The following DCLRE1A variants were observed in gnomAD, a reference collection of about 807,000 sequenced individuals.
DCLRE1A encodes the protein DNA cross-link repair 1A protein.
DCLRE1A carries 64 observed loss-of-function variants against 91.9 expected under a neutral mutation model. That is an observed-to-expected ratio of 0.70 (90% CI 0.57 to 0.86). DCLRE1A has a LOEUF of 0.86. Among genes scored for constraint, DCLRE1A ranks in the 40% least tolerant of loss-of-function variants. DCLRE1A has a pLI of 0.00. For missense variants in DCLRE1A, 1,145 were observed against 1,213.3 expected, an observed-to-expected ratio of 0.94 and a Z score of 0.84; for synonymous variants, 416 against 431.1, an observed-to-expected ratio of 0.96 and a Z score of 0.43.
chr10:113,852,209 G>A lies in DCLRE1A; in HGVS notation c.460+514C>T, dbSNP rs1363410894. 2.6e-5 allele frequency among the ~76,000 whole-genome samples: 4 copies of A among 152,128 alleles called. No individual in the cohort carries two copies. The East Asian group carries it at 5.8e-4, about 22-fold the overall frequency. ...AAATTAGCCGGGTGCGGTGGCGGGC[G>A]CCTGTAGTCCCGGCTACTCGGGAAG... On this transcript the variant is annotated intron_variant, in intron 1 of 8. Transcript: ENST00000361384.
At position 113,837,166 on chromosome 10, in the gene DCLRE1A, T is replaced by C. The variant is rs1460411527; in HGVS notation, c.2858A>G (p.Tyr953Cys). The change falls in exon 8 of 9, where the codon TAC (tyrosine) becomes TGC (cysteine). Residue 953 changes from tyrosine (Y) to cysteine (C), a missense_variant. Physicochemically the swap from Tyr to Cys is radical, Grantham distance 194 (BLOSUM62 -2). Coordinates refer to ENST00000361384, the MANE Select transcript of DCLRE1A (RefSeq NM_014881.5). Reference protein sequence around the residue: ...QSHLKKCGGKYNQILAFRPTG... With the variant: ...QSHLKKCGGKCNQILAFRPTG... ...AGGTCGAAATGCCAAAATCTGATTGTATTTCCCACCACACTTCTTCAAATG... is the reference window on the plus strand; with the variant it reads ...AGGTCGAAATGCCAAAATCTGATTGCATTTCCCACCACACTTCTTCAAATG... 6.2e-7 allele frequency: 1 copy of C among 1,613,142 alleles called. No homozygotes were observed. The highest frequency in any genetic ancestry group is 8.5e-7 in the Non-Finnish European group (1 of 1,179,706).
intron 7 of DCLRE1A, among the ~76,000 whole-genome samples, chr10:113,840,294 CAAAA>C (rs10716416): frequency 8.2e-6 from 1 of 122,018 alleles, no homozygotes; most frequent in Non-Finnish European, 1.8e-5. Flanking sequence ...ACTCTGTCTC[CAAAA>C]AAAAAAAAAA....
At position 113,835,058 on chromosome 10, in the gene DCLRE1A, T is replaced by C; in HGVS notation, c.*94A>G. ...TATCTGAACAATCTTCATGAGGTTT[T>C]TCCACACAAAGTGTATTTCACATTT... On this transcript the variant is annotated 3_prime_UTR_variant, in exon 9 of 9. Transcript: ENST00000361384. 1.7e-5 allele frequency: 21 copies of C among 1,269,934 alleles called. No homozygotes were observed. Among genetic ancestry groups the C allele is most frequent in the Non-Finnish European group, 2.3e-5 (21 of 916,748 alleles). 78.7% of individuals were successfully genotyped at this position (1,269,934 alleles called of 1,614,324 possible).
chr10:113,852,424 T>C (rs1845667159), intron 1 of DCLRE1A, among the ~76,000 whole-genome samples: 1 of 152,232 alleles, frequency 6.6e-6, no homozygotes, highest in African/African-American at 2.4e-5. Flanking sequence ...TATATGGTGA[T>C]TGTGAAAGTT....
chr10:113,853,233 G>C lies in DCLRE1A; in HGVS notation c.-51C>G, dbSNP rs910698301. The C allele has an allele frequency of 2.8e-6, 4 of 1,426,248 alleles. No homozygotes were observed. The African/African-American group carries it at 4.3e-5, about 15-fold the overall frequency. The allele number at this position is 1,426,248 out of a possible 1,614,324, so 88.3% of individuals were successfully genotyped here. On this transcript the variant is annotated 5_prime_UTR_variant, in exon 1 of 9. Transcript: ENST00000361384. ...AGTATTAATCTTAAGTAAACTGAAAGTCCATTTCTTGTCACAAACAAAAAG... is the reference window on the plus strand; with the variant it reads ...AGTATTAATCTTAAGTAAACTGAAACTCCATTTCTTGTCACAAACAAAAAG...
Position 113,850,644 on chromosome 10 carries a change from T to C in DCLRE1A, c.461A>G (p.Glu154Gly). 1 of 1,569,830 alleles carries C rather than the reference T, an allele frequency of 6.4e-7. No individual in the cohort carries two copies. ...CLDSPPRSET[E>G]CPDGLLCTST... ...GGTACACAGAAGACCATCAGGACAC[T>C]CTGAAATTTTAATAAAGAAAAAATA... The change falls in exon 2 of 9, where the codon GAG becomes GGG. Residue 154 changes from glutamate (E) to glycine (G), a missense_variant and splice_region_variant. Glu to Gly is a moderately conservative substitution (Grantham distance 98). Transcript: ENST00000361384.
chr10:113,847,269 G>A lies in DCLRE1A; in HGVS notation c.2192C>T (p.Thr731Ile), dbSNP rs1433870977. The A allele has an allele frequency of 6.2e-7, 1 of 1,614,012 alleles. No homozygotes were observed. The highest frequency in any genetic ancestry group is 2.2e-5 in the East Asian group (1 of 44,858). ...VVEGCTAYFLTHFHSDHYAGL... is the reference protein window; with the variant it reads ...VVEGCTAYFLIHFHSDHYAGL... ...AGCATAATGATCAGAATGAAAATGT[G>A]TGAGAAAATAGGCTGTGCAACCTTC... Residue 731 changes from threonine (T) to isoleucine (I), a missense_variant, in exon 3 of 9, where the codon ACA (threonine) becomes ATA (isoleucine). Physicochemically the swap from Thr to Ile is moderately conservative, Grantham distance 89 (BLOSUM62 -1). Transcript: ENST00000361384.
rs532530868 is a variant in DCLRE1A, at chr10:113,850,893, T to C, written c.461-249A>G. 5.9e-5 allele frequency among the ~76,000 whole-genome samples: 9 copies of C among 152,344 alleles called. No individual in the cohort carries two copies. The South Asian group carries it at 1.9e-3, about 32-fold the overall frequency. ...ATTTGGAAACTATTCCCTATCATAC[T>C]ACCATGATTGAGAAACTTTCTATAA... On this transcript the variant is annotated intron_variant, in intron 1 of 8. Transcript: ENST00000361384.
In DCLRE1A at chr10:113,850,102, C is replaced by T. The variant is rs921112484; in HGVS notation, c.1003G>A (p.Glu335Lys). ...FTESSKDGSL[E>K]EDDDSCGFFK... Reference sequence around the variant, plus strand: ...AAACCACAGCTGTCATCATCTTCTTCGAGGCTGCCATCTTTTGAGCTTTCG... The same window carrying T: ...AAACCACAGCTGTCATCATCTTCTTTGAGGCTGCCATCTTTTGAGCTTTCG... Residue 335 changes from glutamate to lysine, a missense_variant, in exon 2 of 9, where the codon GAA (glutamate) becomes AAA (lysine). By Grantham distance (56) the Glu-to-Lys change is moderately conservative. Transcript: ENST00000361384. 24 of 1,613,798 alleles carry T rather than the reference C, an allele frequency of 1.5e-5. No individual in the cohort carries two copies. Among genetic ancestry groups the T allele is most frequent in the Middle Eastern group, 1.6e-4 (1 of 6,084 alleles).
Position 113,841,430 on chromosome 10 carries a change from G to A in DCLRE1A, c.2796C>T (p.Leu932=), listed in dbSNP as rs776008858. Reference sequence around the variant, plus strand: ...CCTTAAAATTAATTTGCATCATTGGGAGAAGGTGAACCAATGAACTGCACA... The same window carrying A: ...CCTTAAAATTAATTTGCATCATTGGAAGAAGGTGAACCAATGAACTGCACA... ...TDMCSSLVHL[L]PMMQINFKGL... Residue 932 remains leucine (L), a synonymous_variant, in exon 7 of 9, where the codon CTC becomes CTT. Transcript: ENST00000361384. 52 of 1,612,848 alleles carry A rather than the reference G, an allele frequency of 3.2e-5. No homozygotes were observed. Among genetic ancestry groups the A allele is most frequent in the Admixed American group, 1.7e-5 (1 of 59,824 alleles).
At chr10:113,852,702 C>T (rs1444987911) in intron 1 of DCLRE1A, 21 bp downstream of exon 1, 3 of 1,592,564 alleles carry the variant, frequency 1.9e-6, no homozygotes, top group Non-Finnish European at 2.6e-6. Context: ...TTAGAAACTA[C>T]TACGTTTTCT....
intron 7 of DCLRE1A, among the ~76,000 whole-genome samples, chr10:113,838,848 G>A (rs1055629646): frequency 6.6e-6 from 1 of 152,150 alleles, no homozygotes; most frequent in African/African-American, 2.4e-5. Context: ...TAGATAGCAT[G>A]AATTGTATTT....
rs769405614 is a variant in DCLRE1A, at chr10:113,852,799, AG to A, written c.383del (p.Pro128LeufsTer5). The A allele has an allele frequency of 1.1e-5, 18 of 1,614,090 alleles. No individual in the cohort carries two copies. The highest frequency in any genetic ancestry group is 1.4e-5 in the Non-Finnish European group (17 of 1,180,046). On this transcript the variant is annotated frameshift_variant, in exon 1 of 9. Transcript: ENST00000361384. LOFTEE classifies it high-confidence loss of function. The stretch of plus-strand genomic sequence containing the variant: ...GTGTCTGCCCTATCAATGAGGAAAA[AG>A]GCATCTGGCAATTTGGACAGTATCC... ...YDGYCPNCQM[P>X]FSSLIGQTPR...
At position 113,849,143 on chromosome 10, in the gene DCLRE1A, ATC is replaced by A; in HGVS notation, c.1960_1961del (p.Asp654SerfsTer4). 6.2e-7 allele frequency: 1 copy of A among 1,614,000 alleles called. No individual in the cohort carries two copies. Among genetic ancestry groups the A allele is most frequent in the Non-Finnish European group, 8.5e-7 (1 of 1,179,990 alleles). On this transcript the variant is annotated frameshift_variant, in exon 2 of 9. Transcript: ENST00000361384. LOFTEE classifies it high-confidence loss of function. ...CTTCAGATTCTGTATTAATAAGGTG[ATC>A]TGATCTCTTCTGACACGCTCCTTCC... ...LQEGACQKRS[D>X]HLINTESEAV...
At chr10:113,840,200 A>T (rs1331764231) in intron 7 of DCLRE1A, among the ~76,000 whole-genome samples, 2 of 151,888 alleles carry the variant, frequency 1.3e-5, no homozygotes, top group Non-Finnish European at 2.9e-5. Context: ...AGGCTGAGGC[A>T]TGAGAATCGT....
At chr10:113,843,033 C>G (rs1014898230) in intron 5 of DCLRE1A, among the ~76,000 whole-genome samples, 1 of 138,986 alleles carries the variant, frequency 7.2e-6, no homozygotes, top group Non-Finnish European at 1.6e-5. Context: ...TACACACACA[C>G]ACACACACAC....
Position 113,841,487 on chromosome 10 carries a change from T to C in DCLRE1A, c.2739A>G (p.Ile913Met), listed in dbSNP as rs780883349. The change falls in exon 7 of 9, where the codon ATA becomes ATG. Residue 913 changes from isoleucine (I) to methionine (M), a missense_variant. Physicochemically the swap from Ile to Met is conservative, Grantham distance 10 (BLOSUM62 1). Transcript: ENST00000361384. The part of the protein sequence containing the change: ...EKYKTLQCLN[I>M]PEINSLITTD... ...TAGTGATGAGTGAATTAATTTCTGG[T>C]ATATTGAGGCACTGTAGAGTTTTAT... The C allele has an allele frequency of 6.2e-7, 1 of 1,613,626 alleles. No homozygotes were observed. The highest frequency in any genetic ancestry group is 8.5e-7 in the Non-Finnish European group (1 of 1,179,768).
rs763431912 is a variant in DCLRE1A at position 113,852,789 on chromosome 10, A to G, written c.394T>C (p.Leu132=). 5.0e-6 allele frequency: 8 copies of G among 1,614,226 alleles called. No homozygotes were observed. Among genetic ancestry groups the G allele is most frequent in the Non-Finnish European group, 5.1e-6 (6 of 1,180,028 alleles). ...CPNCQMPFSS[L]IGQTPRWHVF... ...TGCCATCGAGGTGTCTGCCCTATCA[A>G]TGAGGAAAAAGGCATCTGGCAATTT... Residue 132 remains leucine (L), a synonymous_variant, in exon 1 of 9, where the codon TTG becomes CTG. Coordinates refer to ENST00000361384, the MANE Select transcript of DCLRE1A (RefSeq NM_014881.5).
intron 6 of DCLRE1A, 74 bp from the exon 7 acceptor site, chr10:113,841,634 T>A: frequency 6.9e-7 from 1 of 1,454,546 alleles, no homozygotes; most frequent in Non-Finnish European, 9.2e-7. Context: ...AAGCAAATTT[T>A]AAGGTAAGAA....
Sources: gnomAD v4.1 joint callset for allele counts (sites outside exome capture counted in the v4.1 genomes callset) on GRCh38, gnomAD v4.1.1 for gene constraint, MANE v1.5 for transcripts, NCBI Gene and HGNC (gene_info 2026-07-23, HGNC 2026-07-21) for gene names.